Variants in VAV3 observed in about 807,000 individuals in gnomAD.
VAV3 encodes the protein guanine nucleotide exchange factor VAV3.
Under a neutral mutation model 131.2 loss-of-function variants are expected in VAV3, and 94 were observed. The observed-to-expected ratio is 0.72, with a 90% CI of 0.61 to 0.85. The LOEUF is 0.85. Among genes scored for constraint, VAV3 ranks in the 40% least tolerant of loss-of-function variants. The pLI, the probability that VAV3 is intolerant of heterozygous loss-of-function variation, is 0.00. For synonymous variants in VAV3, 349 were observed against 342.0 expected, an observed-to-expected ratio of 1.02 and a Z score of -0.22; for missense variants, 939 against 1,002.7, an observed-to-expected ratio of 0.94 and a Z score of 0.86.
chr1:107,752,883 T>C (rs914556401), intron 12 of VAV3, among the ~76,000 whole-genome samples: 2 of 152,148 alleles, frequency 1.3e-5, no homozygotes, highest in Non-Finnish European at 2.9e-5. Context: ...CTGTGGAAAA[T>C]GGTATAGCAA....
intron 2 of VAV3, among the ~76,000 whole-genome samples, chr1:107,859,951 A>G (rs1209006074): frequency 2.0e-5 from 3 of 152,196 alleles, no homozygotes; most frequent in Non-Finnish European, 4.4e-5. Context: ...ATATGTGATA[A>G]AGATATTATG....
intron 15 of VAV3, among the ~76,000 whole-genome samples, chr1:107,722,727 C>T (rs900501277): frequency 1.3e-5 from 2 of 152,014 alleles, no homozygotes; most frequent in Non-Finnish European, 1.5e-5. Flanking sequence ...AGAGCAGCAC[C>T]GAGGCGCTGT....
intron 1 of VAV3, among the ~76,000 whole-genome samples, chr1:107,910,117 GGAAAT>G (rs1468013987): frequency 2.0e-5 from 3 of 152,084 alleles, no homozygotes; most frequent in Admixed American, 6.5e-5. Flanking sequence ...TTACAGAAGA[GGAAAT>G]GAACTTGAAG....
intron 2 of VAV3, among the ~76,000 whole-genome samples, chr1:107,870,234 C>T (rs990334651): frequency 6.6e-6 from 1 of 152,090 alleles, no homozygotes; most frequent in African/African-American, 2.4e-5. Context: ...AGTGGTTGTA[C>T]TAGTTTACAT....
chr1:107,779,398 T>TCAG, intron 3 of VAV3, 36 bp downstream of exon 3: 1 of 1,546,302 alleles, frequency 6.5e-7, no homozygotes, highest in Non-Finnish European at 8.7e-7. Context: ...TACACTGAAC[T>TCAG]CAATGGGACA....
rs1664194253 is a variant in VAV3, at chr1:107,757,742, T to C, written c.1018-413A>G. ...TTCTATTTGTTGTTGTTATTGCTGT[T>C]AAAATTGTTCATCTGTCCATCCTAA... On this transcript the variant is annotated intron_variant, in intron 10 of 26. Transcript: ENST00000370056. Among the ~76,000 whole-genome samples, 2 of 152,326 alleles carry C rather than the reference T, an allele frequency of 1.3e-5. 1 individual carries two copies. Among genetic ancestry groups the C allele is most frequent in the Non-Finnish European group, 2.9e-5 (2 of 68,022 alleles).
At chr1:107,705,794 C>T (rs1215839631) in intron 15 of VAV3, among the ~76,000 whole-genome samples, 1 of 152,150 alleles carries the variant, frequency 6.6e-6, no homozygotes, top group Non-Finnish European at 1.5e-5. Flanking sequence ...AATAATATCA[C>T]TAGTTTACAA....
intron 1 of VAV3, among the ~76,000 whole-genome samples, chr1:107,879,553 T>C (rs933792756): frequency 6.6e-5 from 10 of 152,078 alleles, no homozygotes; most frequent in African/African-American, 1.5e-4. Flanking sequence ...ATTACTTGAG[T>C]GTTTTTTTTT....
chr1:107,887,566 T>A (rs1388401126), intron 1 of VAV3, among the ~76,000 whole-genome samples: 1 of 152,212 alleles, frequency 6.6e-6, no homozygotes, highest in Non-Finnish European at 1.5e-5. Context: ...AGAATACCCA[T>A]ATTTGAATAT....
chr1:107,907,240 T>C (rs879551595), intron 1 of VAV3, among the ~76,000 whole-genome samples: 1 of 152,190 alleles, frequency 6.6e-6, no homozygotes, highest in Admixed American at 6.5e-5. Context: ...GTCAAAAAGA[T>C]GCAGAGCAAA....
intron 1 of VAV3, among the ~76,000 whole-genome samples, chr1:107,933,347 T>C (rs578185776): frequency 5.9e-5 from 9 of 151,938 alleles, no homozygotes; most frequent in African/African-American, 2.2e-4. Flanking sequence ...TCCTCTACCC[T>C]TTATAAGCAA....
intron 2 of VAV3, among the ~76,000 whole-genome samples, chr1:107,810,157 G>A (rs1039647661): frequency 8.5e-5 from 13 of 152,122 alleles, no homozygotes; most frequent in Admixed American, 2.6e-4. Context: ...ACTTGGACTC[G>A]AACAGCAGCA....
intron 15 of VAV3, among the ~76,000 whole-genome samples, chr1:107,707,144 TAGGTA>T (rs1660499984): frequency 6.6e-6 from 1 of 152,210 alleles, no homozygotes; most frequent in South Asian, 2.1e-4. Context: ...CTTAAAGTGG[TAGGTA>T]AAAGAGTAGA....
chr1:107,737,368 A>T (rs1662717904), intron 15 of VAV3, among the ~76,000 whole-genome samples: 1 of 152,220 alleles, frequency 6.6e-6, no homozygotes, highest in Non-Finnish European at 1.5e-5. Flanking sequence ...ATCCAATTAA[A>T]CTAAAGAGCT....
At chr1:107,628,682 T>C (rs1454605605) in intron 20 of VAV3, among the ~76,000 whole-genome samples, 1 of 152,220 alleles carries the variant, frequency 6.6e-6, no homozygotes, top group African/African-American at 2.4e-5. Context: ...AGTGTGTTTT[T>C]CTTAGAGGTG....
chr1:107,716,761 T>C (rs1054898863), intron 15 of VAV3, among the ~76,000 whole-genome samples: 9 of 152,184 alleles, frequency 5.9e-5, no homozygotes, highest in Non-Finnish European at 1.2e-4. Flanking sequence ...ATAAAATGAG[T>C]TAGGGAGGAT....
intron 15 of VAV3, among the ~76,000 whole-genome samples, chr1:107,718,693 A>G (rs1429063645): frequency 6.6e-6 from 1 of 152,206 alleles, no homozygotes; most frequent in Non-Finnish European, 1.5e-5. Flanking sequence ...TCTTCACAGA[A>G]TTGGAAAATC....
intron 20 of VAV3, among the ~76,000 whole-genome samples, chr1:107,620,745 G>T (rs568075031): frequency 6.6e-6 from 1 of 152,234 alleles, no homozygotes; most frequent in African/African-American, 2.4e-5. Context: ...TCACAAAGCA[G>T]AGAAAAGAGG....
intron 17 of VAV3, among the ~76,000 whole-genome samples, chr1:107,693,529 T>C (rs1659564814): frequency 6.6e-6 from 1 of 152,124 alleles, no homozygotes; most frequent in Non-Finnish European, 1.5e-5. Flanking sequence ...ATAAGGGATA[T>C]AGAGCATGAA....
Sources: allele counts gnomAD v4.1 joint callset (sites outside exome capture counted in the v4.1 genomes callset), GRCh38; gene constraint gnomAD v4.1.1; transcripts MANE v1.5; gene names NCBI Gene and HGNC (gene_info 2026-07-23, HGNC 2026-07-21).